Variants in TXNDC11 observed in about 807,000 individuals in gnomAD.
The protein encoded by TXNDC11 is thioredoxin domain-containing protein 11.
In TXNDC11, 68 loss-of-function variants were observed where a neutral mutation model predicts 78.0. That is an observed-to-expected ratio of 0.87 (90% CI 0.72 to 1.07). The LOEUF is 1.07. TXNDC11 is among the 50% of genes least tolerant of loss of function. The probability of loss-of-function intolerance (pLI) is 0.00; values close to 1 mark genes in which losing one functional copy is unlikely to be tolerated. For missense variants in TXNDC11, 1,389 were observed against 1,221.8 expected, an observed-to-expected ratio of 1.14 and a Z score of -2.04; for synonymous variants, 571 against 495.2, an observed-to-expected ratio of 1.15 and a Z score of -2.03.
At chr16:11,707,839 T>C (rs1411433163) in intron 5 of TXNDC11, among the ~76,000 whole-genome samples, 1 of 152,030 alleles carries the variant, frequency 6.6e-6, no homozygotes. Context: ...CTCAACAGTT[T>C]TGAGAGGCTG....
chr16:11,688,292 T>G lies in TXNDC11; in HGVS notation c.2043+11A>C, dbSNP rs765022142. 13 of 1,609,946 alleles carry G rather than the reference T, an allele frequency of 8.1e-6. No homozygotes were observed. In the South Asian group the frequency reaches 1.4e-4, roughly 18 times the overall value. ...CAGATGGCTTAACTTTTGCCTCTCA[T>G]GACTCCATACCTGTTTTTGAAGGAC... On this transcript the variant is annotated intron_variant, in intron 9 of 11. Coordinates refer to ENST00000283033, the MANE Select transcript of TXNDC11 (RefSeq NM_015914.7).
intron 7 of TXNDC11, among the ~76,000 whole-genome samples, chr16:11,695,812 C>A (rs913914268): frequency 6.6e-6 from 1 of 152,078 alleles, no homozygotes; most frequent in African/African-American, 2.4e-5. Context: ...GAAGACCGAT[C>A]GCTTGAGCCC....
At chr16:11,741,161 T>C (rs1040416753) in intron 1 of TXNDC11, among the ~76,000 whole-genome samples, 1 of 152,224 alleles carries the variant, frequency 6.6e-6, no homozygotes, top group Non-Finnish European at 1.5e-5. Context: ...AGAGTTATTA[T>C]AATTTATCTT....
In TXNDC11 at chr16:11,742,518, C is replaced by A; in HGVS notation, c.213G>T (p.Ala71=). 1 of 1,454,742 alleles carries A rather than the reference C, an allele frequency of 6.9e-7. No individual in the cohort carries two copies. The highest frequency in any genetic ancestry group is 9.0e-7 in the Non-Finnish European group (1 of 1,111,666). The allele number at this position is 1,454,742 out of a possible 1,614,324, so 90.1% of individuals were successfully genotyped here. A position where few individuals can be genotyped will look rare whatever the true frequency, so the allele number is the denominator to read the frequency against. ...GGGCGAGGAGCAGCGCGCAGCCGAGCGCCACGGCCCCGCAGAGCAGCTCCG... is the reference window on the plus strand; with the variant it reads ...GGGCGAGGAGCAGCGCGCAGCCGAGAGCCACGGCCCCGCAGAGCAGCTCCG... ...QRPELLCGAV[A]LGCALLLALK... is the part of the protein sequence containing the mutation. Residue 71 remains alanine, a synonymous_variant, in exon 1 of 12, where the codon GCG becomes GCT. Transcript: ENST00000283033.
chr16:11,686,805 C>T (rs1260877675), intron 10 of TXNDC11, among the ~76,000 whole-genome samples: 1 of 152,200 alleles, frequency 6.6e-6, no homozygotes, highest in East Asian at 1.9e-4. Context: ...ATTTTAATTT[C>T]CGGGGAGGCT....
At chr16:11,713,161 C>T (rs141536674) in intron 5 of TXNDC11, among the ~76,000 whole-genome samples, 1,807 of 148,548 alleles carry the variant, frequency 0.012, 12 homozygotes, top group Non-Finnish European at 0.02. Flanking sequence ...GTGGTGCATG[C>T]CTGTAGTCCC....
chr16:11,686,438 T>A (rs933672614), intron 10 of TXNDC11, among the ~76,000 whole-genome samples: 4 of 152,262 alleles, frequency 2.6e-5, no homozygotes, highest in African/African-American at 9.6e-5. Flanking sequence ...TCATGCTTCT[T>A]CGGAATTCCT....
chr16:11,720,799 T>C (rs962255030), intron 5 of TXNDC11, among the ~76,000 whole-genome samples: 2 of 151,826 alleles, frequency 1.3e-5, no homozygotes, highest in African/African-American at 4.8e-5. Context: ...AGTGGTGCAG[T>C]GGCGCGATCT....
chr16:11,732,812 C>T (rs1375960433), intron 3 of TXNDC11, among the ~76,000 whole-genome samples: 1 of 152,160 alleles, frequency 6.6e-6, no homozygotes, highest in Non-Finnish European at 1.5e-5. Flanking sequence ...CCACAAATCA[C>T]TGTTTGTGCA....
intron 5 of TXNDC11, chr16:11,703,645 G>T: frequency 1.4e-6 from 1 of 702,090 alleles, no homozygotes; most frequent in South Asian, 1.5e-5. Flanking sequence ...TAGAAGTAAT[G>T]ACATCCTAAT....
chr16:11,735,835 G>A (rs1292679951), intron 2 of TXNDC11, among the ~76,000 whole-genome samples, 182 bp downstream of exon 2: 1 of 152,172 alleles, frequency 6.6e-6, no homozygotes, highest in African/African-American at 2.4e-5. Flanking sequence ...TTGCCTTGGA[G>A]TACAATCGCC....
At chr16:11,700,773 G>A (rs184754578) in intron 5 of TXNDC11, among the ~76,000 whole-genome samples, 196 of 152,308 alleles carry the variant, frequency 1.3e-3, no homozygotes, top group Admixed American at 3.9e-3. Context: ...CTGAGAGGAT[G>A]TCTCTGACTA....
At chr16:11,696,614 C>CCT (rs1385930954) in intron 7 of TXNDC11, among the ~76,000 whole-genome samples, 1 of 152,182 alleles carries the variant, frequency 6.6e-6, no homozygotes, top group East Asian at 1.9e-4. Context: ...TGAGATGCCA[C>CCT]CTCGTGTTCG....
intron 7 of TXNDC11, among the ~76,000 whole-genome samples, chr16:11,696,025 CA>C (rs36041908): frequency 3.1e-3 from 418 of 133,436 alleles, no homozygotes; most frequent in Non-Finnish European, 3.1e-3. Context: ...GACCCTAACT[CA>C]AAAAAAAAAA....
At position 11,691,651 on chromosome 16, in the gene TXNDC11, G is replaced by C. The variant is rs1432690903; in HGVS notation, c.1539C>G (p.Ser513Arg). 1 of 1,614,186 alleles carries C rather than the reference G, an allele frequency of 6.2e-7. No homozygotes were observed. The highest frequency in any genetic ancestry group is 8.5e-7 in the Non-Finnish European group (1 of 1,180,018). ...AGTCGATGAAGCCTGACACACCCCT[G>C]CTTATGGTCCTGCAACATGCAGTGT... is the stretch of plus-strand genomic sequence containing the variant. The part of the protein sequence containing the change: ...SYYTACCRTI[S>R]RGVSGFIDSE... Residue 513 changes from serine (S) to arginine (R), a missense_variant, in exon 8 of 12, where the codon AGC becomes AGG. Coordinates refer to ENST00000283033, the MANE Select transcript of TXNDC11 (RefSeq NM_015914.7).
chr16:11,697,905 C>T (rs1013581826), intron 7 of TXNDC11, among the ~76,000 whole-genome samples: 1 of 152,266 alleles, frequency 6.6e-6, no homozygotes, highest in African/African-American at 2.4e-5. Flanking sequence ...ACACCAACAG[C>T]TGTCAATAAA....
At position 11,692,766 on chromosome 16, in the gene TXNDC11, C is replaced by G. The variant is rs141052409; in HGVS notation, c.1108-684G>C. 9.2e-4 allele frequency among the ~76,000 whole-genome samples: 140 copies of G among 152,246 alleles called. 2 individuals are homozygous for G. In the East Asian group the frequency reaches 0.025, roughly 27 times the overall value. ...AAATACAACCCCAGGCATGGCACTCCTGGGCCAAATGGTACGCTGCCCATG... is the reference window on the plus strand; with the variant it reads ...AAATACAACCCCAGGCATGGCACTCGTGGGCCAAATGGTACGCTGCCCATG... On this transcript the variant is annotated intron_variant, in intron 7 of 11. Transcript: ENST00000283033.
chr16:11,702,433 C>T (rs548824817), intron 5 of TXNDC11, among the ~76,000 whole-genome samples: 3 of 152,186 alleles, frequency 2.0e-5, no homozygotes, highest in South Asian at 2.1e-4. Context: ...TTTGGGAGGC[C>T]GAGGTGGGTG....
At chr16:11,722,550 A>C (rs2051741125) in intron 4 of TXNDC11, among the ~76,000 whole-genome samples, 1 of 152,054 alleles carries the variant, frequency 6.6e-6, no homozygotes, top group Admixed American at 6.6e-5. Context: ...AGAAGACCTA[A>C]GCTCAAGTCT....
Sources: allele counts gnomAD v4.1 joint callset (sites outside exome capture counted in the v4.1 genomes callset), GRCh38; gene constraint gnomAD v4.1.1; transcripts MANE v1.5; gene names NCBI Gene and HGNC (gene_info 2026-07-23, HGNC 2026-07-21).